The following SLAMF6 variants were observed in gnomAD, a reference collection of about 807,000 sequenced individuals.
The protein encoded by SLAMF6 is NK-T-B-antigen.
Under a neutral mutation model 38.3 loss-of-function variants are expected in SLAMF6, and 21 were observed. The ratio of observed to expected loss-of-function variants is 0.55; its 90% CI spans 0.39 to 0.79. SLAMF6 has a LOEUF of 0.79. Ranked by LOEUF, SLAMF6 falls within the 30% of genes least tolerant of loss-of-function variation. The pLI, the probability that SLAMF6 is intolerant of heterozygous loss-of-function variation, is 0.00. For synonymous variants in SLAMF6, 152 were observed against 146.3 expected, an observed-to-expected ratio of 1.04 and a Z score of -0.28; for missense variants, 341 against 385.3, an observed-to-expected ratio of 0.89 and a Z score of 0.96.
intron 1 of SLAMF6, among the ~76,000 whole-genome samples, chr1:160,517,946 C>T (rs993803975): frequency 4.6e-5 from 7 of 152,102 alleles, no homozygotes; most frequent in Non-Finnish European, 1.0e-4. Flanking sequence ...TGCAGCAAAC[C>T]ACCAGGGCAC....
chr1:160,522,309 G>T (rs916348860), intron 1 of SLAMF6, among the ~76,000 whole-genome samples: 3 of 152,186 alleles, frequency 2.0e-5, no homozygotes, highest in African/African-American at 7.2e-5. Context: ...CTCATAACGT[G>T]TGTACAGCAC....
chr1:160,498,424 T>C (rs907215276), intron 1 of SLAMF6, among the ~76,000 whole-genome samples: 1 of 152,122 alleles, frequency 6.6e-6, no homozygotes, highest in Non-Finnish European at 1.5e-5. Flanking sequence ...TCCCCATGGC[T>C]GGGGAGGCCA....
At chr1:160,502,027 G>A (rs1653928326) in intron 1 of SLAMF6, among the ~76,000 whole-genome samples, 4 of 152,168 alleles carry the variant, frequency 2.6e-5, no homozygotes, top group Admixed American at 2.6e-4. Context: ...CCCTGCATGA[G>A]ACTTTGGACA....
chr1:160,523,022 C>T, intron 1 of SLAMF6, 122 bp downstream of exon 1: 1 of 1,019,844 alleles, frequency 9.8e-7, no homozygotes, highest in Non-Finnish European at 1.5e-6. Flanking sequence ...GCCAGCGTCC[C>T]CTTTCCCGCC....
Position 160,496,327 on chromosome 1 carries a change from G to A in SLAMF6, c.116C>T (p.Thr39Ile), listed in dbSNP as rs1653576602. 1.2e-6 allele frequency: 2 copies of A among 1,614,030 alleles called. No individual in the cohort carries two copies. Among genetic ancestry groups the A allele is most frequent in the East Asian group, 2.2e-5 (1 of 44,884 alleles). Residue 39 changes from threonine (T) to isoleucine (I), a missense_variant, in exon 2 of 8, where the codon ACT becomes ATT. Transcript: ENST00000368057. ...MVNGILGESVTLPLEFPAGEK... is the reference protein window; with the variant it reads ...MVNGILGESVILPLEFPAGEK... ...TCCTGCAGGAAACTCCAGGGGAAGA[G>A]TTACTGACTCCCCCAGAATCCCGTT...
Position 160,490,473 on chromosome 1 carries a change from C to T in SLAMF6, c.757+102G>A. The T allele has an allele frequency of 8.0e-6, 12 of 1,493,508 alleles. 1 individual carries two copies. In the South Asian group the frequency reaches 1.1e-4, roughly 13 times the overall value. The allele number at this position is 1,493,508 out of a possible 1,614,324, so 92.5% of individuals were successfully genotyped here. A position where few individuals can be genotyped will look rare whatever the true frequency, so the allele number is the denominator to read the frequency against. On this transcript the variant is annotated intron_variant, in intron 4 of 7. Transcript: ENST00000368057. ...TGAGCCAGGGTTTGCAGCCTCCCTC[C>T]CTCCTCCTGTCTTCCACAAGAGATC...
intron 6 of SLAMF6, 105 bp from the exon 7 acceptor site, chr1:160,487,280 G>A: frequency 9.8e-7 from 1 of 1,019,438 alleles, no homozygotes; most frequent in Admixed American, 2.5e-5. Context: ...ATATGTCAAA[G>A]TTCTTCCAGA....
chr1:160,490,124 G>T, intron 5 of SLAMF6, 74 bp downstream of exon 5: 1 of 1,518,590 alleles, frequency 6.6e-7, no homozygotes, highest in Non-Finnish European at 9.1e-7. Context: ...CCAGCCCTCT[G>T]CCATCCCCCT....
chr1:160,504,572 T>G (rs1654081900), intron 1 of SLAMF6, among the ~76,000 whole-genome samples: 1 of 152,202 alleles, frequency 6.6e-6, no homozygotes, highest in Non-Finnish European at 1.5e-5. Flanking sequence ...TTTGTCTGTT[T>G]TCAACTATCT....
intron 1 of SLAMF6, among the ~76,000 whole-genome samples, chr1:160,497,619 C>T (rs1018446046): frequency 6.6e-6 from 1 of 152,118 alleles, no homozygotes; most frequent in Non-Finnish European, 1.5e-5. Flanking sequence ...TTATTCAACC[C>T]ATTACCTGTT....
At chr1:160,520,122 A>G (rs1016379354) in intron 1 of SLAMF6, among the ~76,000 whole-genome samples, 4 of 152,146 alleles carry the variant, frequency 2.6e-5, no homozygotes, top group African/African-American at 7.2e-5. Flanking sequence ...TGTTGAGCAC[A>G]ATAAACATTT....
At chr1:160,494,999 C>T (rs1360592339) in intron 2 of SLAMF6, among the ~76,000 whole-genome samples, 1 of 152,150 alleles carries the variant, frequency 6.6e-6, no homozygotes, top group Non-Finnish European at 1.5e-5. Flanking sequence ...ACCTCTTTCC[C>T]ATTACATTTA....
At position 160,486,545 on chromosome 1, in the gene SLAMF6, G is replaced by T; in HGVS notation, c.*162C>A. 1 of 648,904 alleles carries T rather than the reference G, an allele frequency of 1.5e-6. No individual in the cohort carries two copies. Among genetic ancestry groups the T allele is most frequent in the South Asian group, 1.9e-5 (1 of 52,522 alleles). 40.2% of individuals were successfully genotyped at this position (648,904 alleles called of 1,614,324 possible). ...ATGTTATCCTTAGGTGTTTGACTCA[G>T]GTAGGCAGGTTTAAGTCCGAAGGAC... On this transcript the variant is annotated 3_prime_UTR_variant, in exon 8 of 8. Transcript: ENST00000368057.
intron 1 of SLAMF6, among the ~76,000 whole-genome samples, chr1:160,509,895 T>A (rs1211865958): frequency 6.6e-6 from 1 of 152,040 alleles, no homozygotes; most frequent in Non-Finnish European, 1.5e-5. Flanking sequence ...TTCAAATTAC[T>A]AAAAGTAGAC....
intron 1 of SLAMF6, among the ~76,000 whole-genome samples, chr1:160,505,042 T>A (rs536899383): frequency 6.6e-6 from 1 of 152,358 alleles, no homozygotes; most frequent in East Asian, 1.9e-4. Context: ...TTTATTTATT[T>A]GTTTGTTTAT....
chr1:160,521,043 C>T (rs1654961953), intron 1 of SLAMF6, among the ~76,000 whole-genome samples: 1 of 152,166 alleles, frequency 6.6e-6, no homozygotes, highest in Admixed American at 6.6e-5. Context: ...GTGTTTTTCT[C>T]TATGAAGGTG....
chr1:160,510,083 C>T (rs1435094742), intron 1 of SLAMF6, among the ~76,000 whole-genome samples: 2 of 152,094 alleles, frequency 1.3e-5, no homozygotes, highest in African/African-American at 2.4e-5. Context: ...GGACCTATAA[C>T]AAGAAAAGAG....
At chr1:160,512,502 G>A (rs552956530) in intron 1 of SLAMF6, among the ~76,000 whole-genome samples, 2 of 152,270 alleles carry the variant, frequency 1.3e-5, no homozygotes, top group African/African-American at 4.8e-5. Flanking sequence ...TTCTGCCAAG[G>A]GACAGACAGA....
At chr1:160,514,469 A>T (rs1015935811) in intron 1 of SLAMF6, among the ~76,000 whole-genome samples, 1 of 152,204 alleles carries the variant, frequency 6.6e-6, no homozygotes, top group African/African-American at 2.4e-5. Context: ...TAACAAAGAT[A>T]TTCAGGACTT....
Sources: gnomAD v4.1 joint callset for allele counts (sites outside exome capture counted in the v4.1 genomes callset) on GRCh38, gnomAD v4.1.1 for gene constraint, MANE v1.5 for transcripts, NCBI Gene and HGNC (gene_info 2026-07-23, HGNC 2026-07-21) for gene names.